Variants in FAM81A observed in about 807,000 individuals in gnomAD.
FAM81A encodes protein FAM81A.
In FAM81A, 19 loss-of-function variants were observed where a neutral mutation model predicts 46.7. That is an observed-to-expected ratio of 0.41 (90% CI 0.28 to 0.60). The LOEUF is 0.60. Among genes scored for constraint, FAM81A ranks in the 20% least tolerant of loss-of-function variants. The pLI, the probability that FAM81A is intolerant of heterozygous loss-of-function variation, is 0.34. For missense variants in FAM81A, 377 were observed against 453.5 expected, an observed-to-expected ratio of 0.83 and a Z score of 1.53; for synonymous variants, 183 against 152.9, an observed-to-expected ratio of 1.20 and a Z score of -1.45.
At chr15:59,426,708 C>T (rs2081196474) in intron 2 of FAM81A, among the ~76,000 whole-genome samples, 1 of 152,204 alleles carries the variant, frequency 6.6e-6, no homozygotes, top group African/African-American at 2.4e-5. Context: ...TACTGTTAGA[C>T]ATTATCTAGT....
At chr15:59,484,527 G>C (rs1192475318) in intron 3 of FAM81A, among the ~76,000 whole-genome samples, 3 of 152,186 alleles carry the variant, frequency 2.0e-5, no homozygotes, top group African/African-American at 7.2e-5. Flanking sequence ...CGGACCACAT[G>C]GCCCGGAGAG....
At chr15:59,487,006 TGTG>T (rs1276231117) in intron 3 of FAM81A, among the ~76,000 whole-genome samples, 2 of 151,756 alleles carry the variant, frequency 1.3e-5, no homozygotes, top group African/African-American at 4.8e-5. Flanking sequence ...ATACTGTAAT[TGTG>T]GTATGTAAAC....
chr15:59,491,927 C>T (rs1186303160), intron 3 of FAM81A, among the ~76,000 whole-genome samples: 1 of 151,640 alleles, frequency 6.6e-6, no homozygotes, highest in Non-Finnish European at 1.5e-5. Flanking sequence ...GATTGTGCCA[C>T]TGCACTCCAG....
intron 8 of FAM81A, among the ~76,000 whole-genome samples, chr15:59,520,283 A>G (rs1318525600): frequency 6.6e-6 from 1 of 151,880 alleles, no homozygotes; most frequent in East Asian, 1.9e-4. Context: ...CCCTTTCTTC[A>G]CACCCTCGCT....
chr15:59,509,380 A>G (rs1391979565), intron 6 of FAM81A, among the ~76,000 whole-genome samples: 1 of 152,196 alleles, frequency 6.6e-6, no homozygotes, highest in African/African-American at 2.4e-5. Flanking sequence ...TAGGCTGAAT[A>G]ATGGTCCTCT....
chr15:59,401,717 C>A, intron 1 of FAM81A: 1 of 776,394 alleles, frequency 1.3e-6, no homozygotes, highest in South Asian at 1.3e-5. Flanking sequence ...TCGAGATTGT[C>A]CCTCTCTGTC....
intron 1 of FAM81A, among the ~76,000 whole-genome samples, chr15:59,457,471 A>G (rs1455329180): frequency 6.6e-6 from 1 of 152,204 alleles, no homozygotes; most frequent in East Asian, 1.9e-4. Context: ...AATCATGAGT[A>G]TGTATGTGTA....
At chr15:59,468,354 G>T (rs1404466041) in intron 3 of FAM81A, among the ~76,000 whole-genome samples, 1 of 152,026 alleles carries the variant, frequency 6.6e-6, no homozygotes, top group South Asian at 2.1e-4. Context: ...TTTTTTGACT[G>T]GTGGCCTATT....
At chr15:59,448,206 G>A (rs1371020075) in intron 1 of FAM81A, among the ~76,000 whole-genome samples, 14 of 151,962 alleles carry the variant, frequency 9.2e-5, no homozygotes, top group African/African-American at 2.9e-4. Context: ...GCGAAACCCC[G>A]CCTCTACTAA....
At chr15:59,484,854 T>C (rs1231889102) in intron 3 of FAM81A, among the ~76,000 whole-genome samples, 2 of 152,132 alleles carry the variant, frequency 1.3e-5, no homozygotes, top group African/African-American at 4.8e-5. Context: ...TCTTGGACTC[T>C]TGGATCTCTA....
intron 1 of FAM81A, among the ~76,000 whole-genome samples, chr15:59,447,735 C>T (rs559413857): frequency 1.6e-4 from 24 of 152,224 alleles, no homozygotes; most frequent in African/African-American, 5.5e-4. Context: ...ACTATCCACA[C>T]CACAGAGATA....
At chr15:59,404,956 T>C (rs1389319104) in intron 2 of FAM81A, among the ~76,000 whole-genome samples, 1 of 152,230 alleles carries the variant, frequency 6.6e-6, no homozygotes, top group African/African-American at 2.4e-5. Context: ...CTGTCCCAGC[T>C]ACACTGGCTT....
At chr15:59,403,714 TA>T (rs1257807559) in intron 2 of FAM81A, among the ~76,000 whole-genome samples, 1 of 151,940 alleles carries the variant, frequency 6.6e-6, no homozygotes, top group Non-Finnish European at 1.5e-5. Flanking sequence ...AGAGATGTTT[TA>T]AAAAAACAAA....
intron 3 of FAM81A, among the ~76,000 whole-genome samples, chr15:59,487,961 C>A (rs112718523): frequency 0.078 from 11,844 of 151,680 alleles, 531 homozygotes; most frequent in African/African-American, 0.12. Flanking sequence ...AAAACAACAA[C>A]AAAAAAACAA....
At chr15:59,458,680 C>T (rs1251934152) in intron 2 of FAM81A, 34 bp downstream of exon 2, 20 of 1,572,472 alleles carry the variant, frequency 1.3e-5, no homozygotes, top group Non-Finnish European at 1.7e-5. Context: ...CCCATGGGGG[C>T]TGCTAGTGGG....
intron 2 of FAM81A, chr15:59,408,134 G>T: frequency 6.4e-6 from 1 of 156,970 alleles, no homozygotes; most frequent in South Asian, 1.7e-4. Context: ...TCTTCCCCTT[G>T]GCCTTCTTCC....
chr15:59,471,003 C>G lies in FAM81A; in HGVS notation c.294+10797C>G, dbSNP rs143867664. Among the ~76,000 whole-genome samples, 106 of 152,108 alleles carry G rather than the reference C, an allele frequency of 7.0e-4. No homozygotes were observed. In the East Asian group the frequency reaches 0.015, roughly 21 times the overall value. Reference sequence around the variant, plus strand: ...ACATCCAGCTAATTTTTTGTAGAGACAAGGTTTTGCCATGTTGCCCAGGTT... The same window carrying G: ...ACATCCAGCTAATTTTTTGTAGAGAGAAGGTTTTGCCATGTTGCCCAGGTT... On this transcript the variant is annotated intron_variant, in intron 3 of 8. Transcript: ENST00000288228.
At chr15:59,426,965 T>C (rs2081197558) in intron 2 of FAM81A, among the ~76,000 whole-genome samples, 1 of 152,238 alleles carries the variant, frequency 6.6e-6, no homozygotes, top group African/African-American at 2.4e-5. Flanking sequence ...TATGCACATA[T>C]CACTAGTTCA....
intron 4 of FAM81A, among the ~76,000 whole-genome samples, chr15:59,494,119 ATACTC>A (rs1230073128): frequency 2.2e-4 from 33 of 152,330 alleles, no homozygotes; most frequent in Middle Eastern, 3.4e-3. Context: ...AAAACAGTAG[ATACTC>A]AACATTCATC....
Sources: allele counts gnomAD v4.1 joint callset (sites outside exome capture counted in the v4.1 genomes callset), GRCh38; gene constraint gnomAD v4.1.1; transcripts MANE v1.5; gene names NCBI Gene and HGNC (gene_info 2026-07-23, HGNC 2026-07-21).